OSBPL8: variants seen among roughly 807,000 people sequenced by gnomAD.
OSBPL8 encodes the protein oxysterol-binding protein-related protein 8.
A neutral mutation model predicts 125.5 loss-of-function variants in OSBPL8; 59 were observed. The ratio of observed to expected loss-of-function variants is 0.47; its 90% CI spans 0.38 to 0.58. The LOEUF (loss-of-function observed/expected upper bound fraction) is 0.58, where lower values mean the gene tolerates loss of function less well. Among genes scored for constraint, OSBPL8 ranks in the 20% least tolerant of loss-of-function variants. OSBPL8 has a pLI of 0.00. For missense variants in OSBPL8, 758 were observed against 1,047.8 expected, an observed-to-expected ratio of 0.72 and a Z score of 3.82; for synonymous variants, 330 against 338.9, an observed-to-expected ratio of 0.97 and a Z score of 0.29.
At chr12:76,459,364 G>C (rs1212648852) in intron 3 of OSBPL8, among the ~76,000 whole-genome samples, 1 of 152,136 alleles carries the variant, frequency 6.6e-6, no homozygotes, top group Non-Finnish European at 1.5e-5. Flanking sequence ...GTGTTGAGGT[G>C]AATTGGATAT....
At chr12:76,530,441 GT>G (rs1237402490) in intron 1 of OSBPL8, among the ~76,000 whole-genome samples, 1 of 151,942 alleles carries the variant, frequency 6.6e-6, no homozygotes, top group Non-Finnish European at 1.5e-5. Flanking sequence ...AGGTTTCTTT[GT>G]TTAAATGCCA....
intron 9 of OSBPL8, 68 bp from the exon 10 acceptor site, chr12:76,392,820 AC>A: frequency 7.0e-7 from 1 of 1,423,938 alleles, no homozygotes; most frequent in Non-Finnish European, 9.5e-7. Context: ...ATCTTAACTT[AC>A]CCTGTTACCA....
chr12:76,481,625 G>A (rs1877503800), intron 2 of OSBPL8, among the ~76,000 whole-genome samples: 1 of 151,958 alleles, frequency 6.6e-6, no homozygotes, highest in East Asian at 1.9e-4. Flanking sequence ...GCAAGACCCT[G>A]TCTCTGCCAA....
intron 4 of OSBPL8, among the ~76,000 whole-genome samples, chr12:76,436,614 A>C (rs540096385): frequency 1.7e-4 from 26 of 152,308 alleles, no homozygotes; most frequent in African/African-American, 6.0e-4. Context: ...TCTTATAATA[A>C]AGGACAATGT....
At chr12:76,511,259 C>T (rs185620929) in intron 1 of OSBPL8, among the ~76,000 whole-genome samples, 1 of 152,294 alleles carries the variant, frequency 6.6e-6, no homozygotes, top group Admixed American at 6.5e-5. Context: ...GGTATATACC[C>T]AGTAACGGGA....
chr12:76,531,970 G>C (rs34205968), intron 1 of OSBPL8, among the ~76,000 whole-genome samples: 6,320 of 148,328 alleles, frequency 0.043, 178 homozygotes, highest in Non-Finnish European at 0.068. Flanking sequence ...CCAGGAGGCG[G>C]AGCTTGCAGT....
chr12:76,389,601 A>C (rs761066706), intron 12 of OSBPL8, 44 bp downstream of exon 12: 1 of 1,386,494 alleles, frequency 7.2e-7, no homozygotes, highest in Non-Finnish European at 9.7e-7. Context: ...GAATTTCTAA[A>C]ATCATGAAGT....
chr12:76,376,541 T>TA (rs933511149), intron 16 of OSBPL8, among the ~76,000 whole-genome samples: 24 of 152,344 alleles, frequency 1.6e-4, no homozygotes, highest in Non-Finnish European at 3.1e-4. Context: ...TGCATTGCTA[T>TA]AAAAAATTTT....
At chr12:76,443,906 G>A (rs774176811) in intron 4 of OSBPL8, among the ~76,000 whole-genome samples, 1 of 151,854 alleles carries the variant, frequency 6.6e-6, no homozygotes, top group Non-Finnish European at 1.5e-5. Context: ...TTTTACTTAA[G>A]GTAAAATTAT....
chr12:76,524,900 T>G (rs986306499), intron 1 of OSBPL8, among the ~76,000 whole-genome samples: 2 of 152,024 alleles, frequency 1.3e-5, no homozygotes, highest in Non-Finnish European at 2.9e-5. Flanking sequence ...GCCAGGCTGG[T>G]CTCGAACTCC....
intron 3 of OSBPL8, among the ~76,000 whole-genome samples, chr12:76,458,331 C>CT (rs1874309971): frequency 1.3e-5 from 2 of 151,930 alleles, no homozygotes; most frequent in East Asian, 3.9e-4. Context: ...TTTAAGATTT[C>CT]TACCTCCTAA....
At chr12:76,414,474 A>G (rs903915106) in intron 4 of OSBPL8, among the ~76,000 whole-genome samples, 2 of 134,152 alleles carry the variant, frequency 1.5e-5, no homozygotes, top group Non-Finnish European at 3.1e-5. Flanking sequence ...TTTTTTTGAG[A>G]CAGGGTCTTG....
intron 1 of OSBPL8, among the ~76,000 whole-genome samples, chr12:76,531,396 A>G (rs1401751401): frequency 1.3e-5 from 2 of 152,216 alleles, no homozygotes; most frequent in Non-Finnish European, 2.9e-5. Context: ...TATTCCCTCC[A>G]TCATTCAAGT....
At chr12:76,386,690 TA>T (rs1953328418) in intron 12 of OSBPL8, 30 bp from the exon 13 acceptor site, 1 of 1,494,692 alleles carries the variant, frequency 6.7e-7, no homozygotes, top group South Asian at 1.2e-5. Context: ...ACAAAAATTT[TA>T]AAAAATGTAT....
intron 1 of OSBPL8, among the ~76,000 whole-genome samples, chr12:76,494,248 T>C (rs932373219): frequency 3.3e-5 from 5 of 152,198 alleles, no homozygotes; most frequent in African/African-American, 9.6e-5. Flanking sequence ...GGTTTGTTCA[T>C]TGTATGGAGT....
In OSBPL8 at chr12:76,507,884, A is replaced by C. The variant is rs562560620; in HGVS notation, c.-67-20266T>G. Among the ~76,000 whole-genome samples the C allele has an allele frequency of 3.3e-5, 5 of 151,346 alleles. 2 individuals carry two copies. The highest frequency in any genetic ancestry group is 9.8e-5 in the African/African-American group (4 of 40,928). On this transcript the variant is annotated intron_variant, in intron 1 of 23. Coordinates refer to ENST00000261183, the MANE Select transcript of OSBPL8 (RefSeq NM_020841.5). The stretch of plus-strand genomic sequence containing the variant: ...CACTTTTAAAGAAGAATATTACTGG[A>C]AGATGGCTGGGCGCGGTGGCTCATG...
intron 1 of OSBPL8, among the ~76,000 whole-genome samples, chr12:76,502,151 C>G (rs574240533): frequency 6.6e-6 from 1 of 152,282 alleles, no homozygotes; most frequent in East Asian, 1.9e-4. Flanking sequence ...CGCCAGAAGG[C>G]TGTATATGCT....
At chr12:76,465,424 G>C (rs1875289797) in intron 2 of OSBPL8, among the ~76,000 whole-genome samples, 1 of 152,032 alleles carries the variant, frequency 6.6e-6, no homozygotes. Flanking sequence ...GCCGGGCGTG[G>C]TGGCGGGCGC....
Position 76,450,968 on chromosome 12 carries a change from C to T in OSBPL8, c.100G>A (p.Glu34Lys), listed in dbSNP as rs200979388. 4.4e-5 allele frequency: 71 copies of T among 1,613,434 alleles called. No homozygotes were observed. Among genetic ancestry groups the T allele is most frequent in the East Asian group, 6.7e-5 (3 of 44,842 alleles). The change falls in exon 4 of 24, where the codon GAA (glutamate) becomes AAA (lysine). Residue 34 changes from glutamate (E) to lysine (K), a missense_variant. Glu to Lys is a moderately conservative substitution (Grantham distance 56). Transcript: ENST00000261183. The stretch of plus-strand genomic sequence containing the variant: ...TTTCCTGGTGTCAGAAGCTGAGATT[C>T]GTCACTGTTTGCTACAACAGCTCAA... Reference protein sequence around the residue: ...GPSTVVANSDESQLLTPGKMS... With the variant: ...GPSTVVANSDKSQLLTPGKMS...
Sources: gnomAD v4.1 joint callset for allele counts (sites outside exome capture counted in the v4.1 genomes callset) on GRCh38, gnomAD v4.1.1 for gene constraint, MANE v1.5 for transcripts, NCBI Gene and HGNC (gene_info 2026-07-23, HGNC 2026-07-21) for gene names.